The following THSD4 variants were observed in gnomAD, a reference collection of about 807,000 sequenced individuals.
THSD4 encodes thrombospondin type-1 domain-containing protein 4.
THSD4 carries 69 observed loss-of-function variants against 119.0 expected under a neutral mutation model. The ratio of observed to expected loss-of-function variants is 0.58; its 90% confidence interval spans 0.48 to 0.71. THSD4 has a LOEUF of 0.71. Among genes scored for constraint, THSD4 ranks in the 30% least tolerant of loss-of-function variants. THSD4 has a pLI of 0.00. For synonymous variants in THSD4, 524 were observed against 540.4 expected, an observed-to-expected ratio of 0.97 and a Z score of 0.42; for missense variants, 1,393 against 1,391.1, an observed-to-expected ratio of 1.00 and a Z score of -0.02.
At chr15:71,610,905 C>G (rs1456037314) in intron 7 of THSD4, among the ~76,000 whole-genome samples, 1 of 152,048 alleles carries the variant, frequency 6.6e-6, no homozygotes, top group Non-Finnish European at 1.5e-5. Flanking sequence ...ATGTAGATAT[C>G]CACATGTATG....
At chr15:71,460,672 GA>G (rs1051202260) in intron 7 of THSD4, among the ~76,000 whole-genome samples, 5 of 152,286 alleles carry the variant, frequency 3.3e-5, no homozygotes, top group Non-Finnish European at 7.3e-5. Flanking sequence ...TCTCTTCAGT[GA>G]AAATAGTAAA....
chr15:71,411,794 A>G lies in THSD4; in HGVS notation c.1123A>G (p.Thr375Ala). The G allele has an allele frequency of 6.2e-7, 1 of 1,614,082 alleles. No homozygotes were observed. The change falls in exon 7 of 18, where the codon ACG (threonine) becomes GCG (alanine). Residue 375 changes from threonine (T) to alanine (A), a missense_variant. Transcript: ENST00000261862. Reference sequence around the variant, plus strand: ...TGGCACCCCCTGTGACCAGAACGGCACGGCCATCTGTGTGTCTGGGCAGTG... The same window carrying G: ...TGGCACCCCCTGTGACCAGAACGGCGCGGCCATCTGTGTGTCTGGGCAGTG... ...IDGTPCDQNG[T>A]AICVSGQCKS...
chr15:71,254,769 A>C (rs1398489604), intron 5 of THSD4, among the ~76,000 whole-genome samples: 3 of 152,168 alleles, frequency 2.0e-5, no homozygotes, highest in Non-Finnish European at 4.4e-5. Flanking sequence ...GCCCAGCTTT[A>C]GGGTTGCCAG....
intron 6 of THSD4, among the ~76,000 whole-genome samples, chr15:71,298,125 G>C (rs1225918800): frequency 6.6e-6 from 1 of 152,032 alleles, no homozygotes; most frequent in Non-Finnish European, 1.5e-5. Context: ...TTTTGTATAT[G>C]GTGTAAGGTA....
chr15:71,287,620 A>G (rs556687307), intron 6 of THSD4, among the ~76,000 whole-genome samples: 1 of 152,320 alleles, frequency 6.6e-6, no homozygotes, highest in South Asian at 2.1e-4. Flanking sequence ...CCAGATAGAA[A>G]CTTTAAAAAT....
At chr15:71,154,593 G>T (rs764738556) in intron 2 of THSD4, among the ~76,000 whole-genome samples, 2 of 152,210 alleles carry the variant, frequency 1.3e-5, no homozygotes, top group Non-Finnish European at 2.9e-5. Context: ...CTGAGACTTA[G>T]AGAGGTTAAA....
rs2054025587 is a variant in THSD4 at position 71,783,347 on chromosome 15, A to G, written c.*5973A>G. ...TGTTCTCCTGCAAATAGCGCCCTCT[A>G]AAAAGAAGAGTCAGACAATAAACTG... On this transcript the variant is annotated 3_prime_UTR_variant, in exon 18 of 18. Coordinates refer to ENST00000261862, the MANE Select transcript of THSD4 (RefSeq NM_024817.3). 1 of 151,650 alleles carries G rather than the reference A, an allele frequency of 6.6e-6. No individual in the cohort carries two copies. Among genetic ancestry groups the G allele is most frequent in the Non-Finnish European group, 1.5e-5 (1 of 67,932 alleles). 9.4% of individuals were successfully genotyped at this position (151,650 alleles called of 1,614,324 possible).
chr15:71,617,731 C>G (rs1356248914), intron 7 of THSD4, among the ~76,000 whole-genome samples: 1 of 152,174 alleles, frequency 6.6e-6, no homozygotes, highest in East Asian at 1.9e-4. Flanking sequence ...GGAGGTGAAA[C>G]GATGGTCATA....
At chr15:71,164,976 C>G in intron 3 of THSD4, 1 of 1,597,066 alleles carries the variant, frequency 6.3e-7, no homozygotes, top group Non-Finnish European at 8.6e-7. Flanking sequence ...AGCTTCGCAG[C>G]CTTCTTTTCA....
intron 8 of THSD4, among the ~76,000 whole-genome samples, chr15:71,676,855 A>G (rs1404533813): frequency 1.3e-5 from 2 of 152,118 alleles, no homozygotes; most frequent in Admixed American, 1.3e-4. Flanking sequence ...TCATCTGTTG[A>G]TGGGCACCTG....
At chr15:71,302,177 A>G (rs2044959909) in intron 6 of THSD4, among the ~76,000 whole-genome samples, 1 of 152,180 alleles carries the variant, frequency 6.6e-6, no homozygotes, top group African/African-American at 2.4e-5. Flanking sequence ...AGCGTTTTCC[A>G]TCCTTGTTTG....
chr15:71,636,955 G>A (rs2050757179), intron 7 of THSD4, among the ~76,000 whole-genome samples: 1 of 151,672 alleles, frequency 6.6e-6, no homozygotes, highest in Non-Finnish European at 1.5e-5. Context: ...TGTGATCTCG[G>A]CTCACTACAG....
At chr15:71,462,700 C>A (rs1446227032) in intron 7 of THSD4, among the ~76,000 whole-genome samples, 1 of 152,164 alleles carries the variant, frequency 6.6e-6, no homozygotes, top group Non-Finnish European at 1.5e-5. Context: ...TATTTGAAAA[C>A]CCATCTCATG....
intron 8 of THSD4, among the ~76,000 whole-genome samples, chr15:71,714,195 A>G (rs964893516): frequency 7.9e-5 from 12 of 152,182 alleles, no homozygotes; most frequent in Admixed American, 5.2e-4. Flanking sequence ...CCAGAGGATT[A>G]TGAGATGAAG....
chr15:71,645,864 G>A (rs1337016494), intron 7 of THSD4, among the ~76,000 whole-genome samples: 1 of 152,162 alleles, frequency 6.6e-6, no homozygotes, highest in Non-Finnish European at 1.5e-5. Flanking sequence ...CAATTAAGAC[G>A]ACTCCTTTCC....
At chr15:71,235,576 C>CCTCT (rs202026773) in intron 4 of THSD4, among the ~76,000 whole-genome samples, 2 of 128,788 alleles carry the variant, frequency 1.6e-5, no homozygotes, top group African/African-American at 2.8e-5. Context: ...AGGAATGCCA[C>CCTCT]CTCTCTCTTT....
At chr15:71,353,231 G>A (rs1389183734) in intron 6 of THSD4, among the ~76,000 whole-genome samples, 2 of 152,142 alleles carry the variant, frequency 1.3e-5, no homozygotes, top group African/African-American at 4.8e-5. Context: ...ATGTCACTCC[G>A]AGAACAGCAG....
At chr15:71,722,487 G>A (rs1440154248) in intron 8 of THSD4, among the ~76,000 whole-genome samples, 1 of 152,078 alleles carries the variant, frequency 6.6e-6, no homozygotes, top group Non-Finnish European at 1.5e-5. Flanking sequence ...GGACTTTTTA[G>A]TTACCAGATG....
intron 8 of THSD4, among the ~76,000 whole-genome samples, chr15:71,705,877 C>T (rs1231160421): frequency 6.6e-6 from 1 of 152,122 alleles, no homozygotes; most frequent in Non-Finnish European, 1.5e-5. Context: ...AATACAGAAA[C>T]TGTGACGGTA....
Sources: allele counts gnomAD v4.1 joint callset (sites outside exome capture counted in the v4.1 genomes callset), GRCh38; gene constraint gnomAD v4.1.1; transcripts MANE v1.5; gene names NCBI Gene and HGNC (gene_info 2026-07-23, HGNC 2026-07-21).